CCDC7: variants seen among roughly 807,000 people sequenced by gnomAD.
The protein encoded by CCDC7 is coiled-coil domain containing 7.
Under a neutral mutation model 196.9 loss-of-function variants are expected in CCDC7, and 183 were observed. That is an observed-to-expected ratio of 0.93 (90% CI 0.82 to 1.05). CCDC7 has a LOEUF of 1.05. CCDC7 is among the 50% of genes least tolerant of loss of function. The pLI, the probability that CCDC7 is intolerant of heterozygous loss-of-function variation, is 0.00. For missense variants in CCDC7, 1,540 were observed against 1,482.2 expected, an observed-to-expected ratio of 1.04 and a Z score of -0.64; for synonymous variants, 525 against 484.6, an observed-to-expected ratio of 1.08 and a Z score of -1.10.
chr10:32,850,610 A>G (rs2093516392), intron 39 of CCDC7, among the ~76,000 whole-genome samples: 1 of 152,214 alleles, frequency 6.6e-6, no homozygotes, highest in Non-Finnish European at 1.5e-5. Context: ...TCCCACATGC[A>G]AAATAGAATC....
At chr10:32,615,367 A>G (rs1213794370) in intron 18 of CCDC7, among the ~76,000 whole-genome samples, 3 of 152,172 alleles carry the variant, frequency 2.0e-5, no homozygotes, top group East Asian at 1.9e-4. Context: ...AATAACAGCC[A>G]TTCTGACTGG....
chr10:32,687,950 T>C (rs2076650295), intron 22 of CCDC7, among the ~76,000 whole-genome samples: 1 of 152,192 alleles, frequency 6.6e-6, no homozygotes, highest in Admixed American at 6.5e-5. Context: ...TCTTTGAGAC[T>C]TCATTGTTGA....
chr10:32,661,963 G>T (rs894303285), intron 20 of CCDC7, among the ~76,000 whole-genome samples: 5 of 152,014 alleles, frequency 3.3e-5, no homozygotes, highest in African/African-American at 1.2e-4. Flanking sequence ...CAGTCCTTGT[G>T]GCCTATATTG....
At chr10:32,614,316 A>G (rs2062535061) in intron 18 of CCDC7, among the ~76,000 whole-genome samples, 2 of 147,378 alleles carry the variant, frequency 1.4e-5, no homozygotes, top group East Asian at 2.0e-4. Context: ...TTTTTAGCCT[A>G]CGTGTGTCTT....
At chr10:32,843,463 TA>T (rs2093102598) in intron 33 of CCDC7, among the ~76,000 whole-genome samples, 1 of 151,986 alleles carries the variant, frequency 6.6e-6, no homozygotes, top group Non-Finnish European at 1.5e-5. Flanking sequence ...GTGAACATCT[TA>T]AAAAACATTG....
chr10:32,583,050 T>A (rs1040806758), exon 17 of CCDC7: 1 of 1,231,296 alleles, frequency 8.1e-7, no homozygotes, highest in Non-Finnish European at 1.0e-6. Context: ...GAAGAAACGA[T>A]CTAGCCCTGC....
chr10:32,605,008 G>A (rs1335005246), intron 18 of CCDC7, among the ~76,000 whole-genome samples: 1 of 152,078 alleles, frequency 6.6e-6, no homozygotes, highest in East Asian at 1.9e-4. Context: ...TTTTGGAGAT[G>A]GGGTCTGGTA....
chr10:32,504,393 A>G (rs1043546503), intron 9 of CCDC7, among the ~76,000 whole-genome samples: 1 of 152,156 alleles, frequency 6.6e-6, no homozygotes, highest in Non-Finnish European at 1.5e-5. Flanking sequence ...GATTACAGGC[A>G]TGAGCCACCA....
chr10:32,603,229 T>C (rs183247948), intron 18 of CCDC7, among the ~76,000 whole-genome samples: 139 of 152,242 alleles, frequency 9.1e-4, no homozygotes, highest in African/African-American at 3.1e-3. Context: ...GCCTGGCTTA[T>C]TTCACTTAAC....
chr10:32,800,629 C>G (rs2135009816), intron 29 of CCDC7, among the ~76,000 whole-genome samples: 1 of 152,282 alleles, frequency 6.6e-6, no homozygotes, highest in Non-Finnish European at 1.5e-5. Context: ...TGCACAGTTA[C>G]CCTAGTAAAA....
At chr10:32,805,022 T>C (rs772543737) in exon 30 of CCDC7, 2 of 1,604,178 alleles carry the variant, frequency 1.2e-6, no homozygotes, top group Non-Finnish European at 8.5e-7. Context: ...TAGAGACTGA[T>C]ATAGAAAGCT....
At chr10:32,639,930 T>A (rs1392615250) in intron 20 of CCDC7, among the ~76,000 whole-genome samples, 1 of 152,212 alleles carries the variant, frequency 6.6e-6, no homozygotes, top group Non-Finnish European at 1.5e-5. Context: ...TTCTGTTGTT[T>A]TACATTTGCT....
chr10:32,464,898 A>T, intron 5 of CCDC7, among the ~76,000 whole-genome samples: 1 of 152,240 alleles, frequency 6.6e-6, no homozygotes, highest in South Asian at 2.1e-4. Context: ...GTTTTTAAAT[A>T]TGCTCTTCTA....
At chr10:32,759,553 G>A in intron 28 of CCDC7, among the ~76,000 whole-genome samples, 1 of 152,170 alleles carries the variant, frequency 6.6e-6, no homozygotes, top group Admixed American at 6.5e-5. Context: ...GTAGAAAGCT[G>A]AAACTGGATC....
At chr10:32,547,889 T>C (rs2052741710) in intron 13 of CCDC7, among the ~76,000 whole-genome samples, 1 of 152,186 alleles carries the variant, frequency 6.6e-6, no homozygotes, top group South Asian at 2.1e-4. Context: ...GGTGCACCCA[T>C]CATCCAAGCA....
At chr10:32,633,486 A>G (rs1230787531) in intron 18 of CCDC7, among the ~76,000 whole-genome samples, 2 of 152,136 alleles carry the variant, frequency 1.3e-5, no homozygotes, top group African/African-American at 2.4e-5. Flanking sequence ...TGCTTAGCTC[A>G]TAGCACTAGA....
At chr10:32,445,476 T>G (rs2030727381), upstream of CCDC7, among the ~76,000 whole-genome samples, 2 of 152,244 alleles carry the variant, frequency 1.3e-5, no homozygotes, top group Admixed American at 1.3e-4. Context: ...TTCCTATTCC[T>G]TTCATTTACA....
chr10:32,674,289 A>AT (rs527431283), intron 21 of CCDC7, among the ~76,000 whole-genome samples: 1 of 151,564 alleles, frequency 6.6e-6, no homozygotes, highest in South Asian at 2.1e-4. Context: ...AGTTTTGTGG[A>AT]TTTTTTAAAA....
chr10:32,711,531 G>A (rs749300878), intron 24 of CCDC7, 89 bp from the exon 26 acceptor site: 10 of 727,696 alleles, frequency 1.4e-5, no homozygotes, highest in South Asian at 3.6e-5. Flanking sequence ...GAAAGAAAAT[G>A]TTGCTTCCAC....
Sources: gnomAD v4.1 joint callset for allele counts (sites outside exome capture counted in the v4.1 genomes callset) on GRCh38, gnomAD v4.1.1 for gene constraint, MANE v1.5 for transcripts, NCBI Gene and HGNC (gene_info 2026-07-23, HGNC 2026-07-21) for gene names.